The following AKAP19 variants were observed in gnomAD, a reference collection of about 807,000 sequenced individuals.
The protein encoded by AKAP19 is small A-kinase anchoring protein.
the AKAP19 span, among the ~76,000 whole-genome samples, chr2:190,194,076 T>C: frequency 3.9e-5 from 6 of 152,224 alleles, no homozygotes; most frequent in African/African-American, 1.4e-4. Flanking sequence ...TCCAAATATA[T>C]GAGGCTTTTC....
chr2:190,086,155 A>G, the AKAP19 span, among the ~76,000 whole-genome samples: 1 of 152,222 alleles, frequency 6.6e-6, no homozygotes, highest in South Asian at 2.1e-4. Context: ...TGCGGATGTT[A>G]ACATACACAT....
chr2:190,157,890 C>A, the AKAP19 span, among the ~76,000 whole-genome samples: 1 of 152,178 alleles, frequency 6.6e-6, no homozygotes, highest in Non-Finnish European at 1.5e-5. Context: ...GTTTTATACT[C>A]AGTACCTGTT....
At chr2:190,127,252 G>T in the AKAP19 span, among the ~76,000 whole-genome samples, 1 of 150,800 alleles carries the variant, frequency 6.6e-6, no homozygotes, top group East Asian at 1.9e-4. Flanking sequence ...TTGGCAGAAA[G>T]CTTATTCAGA....
chr2:190,040,299 G>C, the AKAP19 span, among the ~76,000 whole-genome samples: 32 of 152,230 alleles, frequency 2.1e-4, 1 homozygote, highest in South Asian at 6.6e-3. Flanking sequence ...TCATATGCTT[G>C]TGGGCTGCAT....
the AKAP19 span, among the ~76,000 whole-genome samples, chr2:189,982,689 A>G: frequency 6.8e-6 from 1 of 147,692 alleles, no homozygotes; most frequent in South Asian, 2.1e-4. Flanking sequence ...ACATTTTTTA[A>G]TCCTTTTTTC....
At chr2:189,995,065 G>A in the AKAP19 span, among the ~76,000 whole-genome samples, 1 of 152,168 alleles carries the variant, frequency 6.6e-6, no homozygotes, top group Non-Finnish European at 1.5e-5. Flanking sequence ...CTTGGAGAAT[G>A]TTCCAGTTTC....
At chr2:190,189,054 A>G in the AKAP19 span, among the ~76,000 whole-genome samples, 1 of 152,160 alleles carries the variant, frequency 6.6e-6, no homozygotes. Flanking sequence ...CAGATTTGAG[A>G]ACTAGTCCTG....
the AKAP19 span, chr2:190,060,349 C>T: frequency 4.7e-5 from 75 of 1,612,310 alleles, no homozygotes; most frequent in Admixed American, 3.5e-4. Context: ...CATAGTTGGG[C>T]CTTTACTACT....
chr2:190,104,236 A>G, the AKAP19 span, among the ~76,000 whole-genome samples: 7 of 152,340 alleles, frequency 4.6e-5, no homozygotes, highest in South Asian at 2.1e-4. Context: ...TAAGAATCTT[A>G]GAAGAAAACC....
chr2:190,033,207 C>T, the AKAP19 span, among the ~76,000 whole-genome samples: 1 of 152,098 alleles, frequency 6.6e-6, no homozygotes. Context: ...TAATAAGAAT[C>T]TAATAATTTT....
chr2:190,065,580 T>C, the AKAP19 span, among the ~76,000 whole-genome samples: 3 of 152,146 alleles, frequency 2.0e-5, no homozygotes, highest in African/African-American at 7.2e-5. Context: ...GAGTTCAGTG[T>C]TAATGAATGA....
the AKAP19 span, among the ~76,000 whole-genome samples, chr2:189,907,661 C>T: frequency 1.3e-5 from 2 of 152,066 alleles, no homozygotes; most frequent in Non-Finnish European, 2.9e-5. Flanking sequence ...ATGTAGTAGG[C>T]ACTCAATAAA....
the AKAP19 span, among the ~76,000 whole-genome samples, chr2:189,922,441 G>A: frequency 3.9e-5 from 6 of 152,162 alleles, no homozygotes; most frequent in African/African-American, 1.4e-4. Context: ...ACTAGACATG[G>A]GTATAGAGAG....
chr2:189,995,230 C>T, the AKAP19 span, among the ~76,000 whole-genome samples: 1 of 152,146 alleles, frequency 6.6e-6, no homozygotes, highest in Non-Finnish European at 1.5e-5. Flanking sequence ...GTATTGAAAT[C>T]CCCCACTATT....
chr2:189,920,169 T>C, the AKAP19 span, among the ~76,000 whole-genome samples: 1 of 152,244 alleles, frequency 6.6e-6, no homozygotes, highest in Non-Finnish European at 1.5e-5. Context: ...GTATTTTATA[T>C]TAGATTTGTT....
At chr2:190,091,071 A>G in the AKAP19 span, 25 of 152,238 alleles carry the variant, frequency 1.6e-4, no homozygotes, top group African/African-American at 5.8e-4. Context: ...TTGCTAACAC[A>G]TTAATAGAAG....
chr2:189,979,520 C>CA, the AKAP19 span, among the ~76,000 whole-genome samples: 18 of 151,952 alleles, frequency 1.2e-4, no homozygotes, highest in Admixed American at 2.0e-4. Context: ...TTGGCCTAGA[C>CA]AAAAAAATTA....
At chr2:190,126,124 C>G in the AKAP19 span, among the ~76,000 whole-genome samples, 2 of 150,734 alleles carry the variant, frequency 1.3e-5, no homozygotes, top group Non-Finnish European at 3.0e-5. Flanking sequence ...AATCCTGTCT[C>G]TACTAAAATA....
chr2:190,190,082 A>C, the AKAP19 span: 1 of 152,260 alleles, frequency 6.6e-6, no homozygotes, highest in African/African-American at 2.4e-5. Flanking sequence ...TATTAAAGTA[A>C]AAATTACAGT....
Sources: gnomAD v4.1 joint callset for allele counts (sites outside exome capture counted in the v4.1 genomes callset) on GRCh38, gnomAD v4.1.1 for gene constraint, MANE v1.5 for transcripts, NCBI Gene and HGNC (gene_info 2026-07-23, HGNC 2026-07-21) for gene names.